GAS7: variants seen among roughly 807,000 people sequenced by gnomAD.
GAS7 encodes growth arrest specific 7, also known as growth arrest-specific protein 7.
GAS7 carries 28 observed loss-of-function variants against 71.1 expected under a neutral mutation model. That is an observed-to-expected ratio of 0.39 (90% CI 0.29 to 0.54). GAS7 has a LOEUF of 0.54. Among genes scored for constraint, GAS7 ranks in the 20% least tolerant of loss-of-function variants. The probability of loss-of-function intolerance (pLI) is 0.62; values close to 1 mark genes in which losing one functional copy is unlikely to be tolerated. For synonymous variants in GAS7, 258 were observed against 245.8 expected, an observed-to-expected ratio of 1.05 and a Z score of -0.46; for missense variants, 436 against 627.8, an observed-to-expected ratio of 0.69 and a Z score of 3.27.
chr17:9,942,414 T>C (rs2068635609), intron 7 of GAS7, among the ~76,000 whole-genome samples: 2 of 152,124 alleles, frequency 1.3e-5, no homozygotes, highest in African/African-American at 4.8e-5. Context: ...GCCTCAGAAC[T>C]TGGAGACAGA....
intron 2 of GAS7, among the ~76,000 whole-genome samples, chr17:9,998,346 A>G (rs1177404984): frequency 6.6e-6 from 1 of 152,276 alleles, no homozygotes; most frequent in Non-Finnish European, 1.5e-5. Flanking sequence ...TATGGGCGTG[A>G]CTACTTGGCT....
intron 1 of GAS7, among the ~76,000 whole-genome samples, chr17:10,068,835 G>A (rs1162705215): frequency 6.6e-6 from 1 of 151,976 alleles, no homozygotes; most frequent in Non-Finnish European, 1.5e-5. Flanking sequence ...ACAGAACCTG[G>A]GACAAGGTCC....
At chr17:9,965,250 G>A (rs892184387) in intron 4 of GAS7, among the ~76,000 whole-genome samples, 2 of 151,848 alleles carry the variant, frequency 1.3e-5, no homozygotes, top group African/African-American at 4.8e-5. Context: ...ATTTACAACA[G>A]CAAAGACTTG....
At position 9,915,821 on chromosome 17, in the gene GAS7, C is replaced by T. The variant is rs114339924; in HGVS notation, c.*1407G>A. On this transcript the variant is annotated 3_prime_UTR_variant, in exon 14 of 14. Transcript: ENST00000432992. Reference sequence around the variant, plus strand: ...TGCCCCTCGCTCATGCTTCTCCCGGCCCCTTTAGACTCTTTAGACTGACAT... The same window carrying T: ...TGCCCCTCGCTCATGCTTCTCCCGGTCCCTTTAGACTCTTTAGACTGACAT... 788 of 231,170 alleles carry T rather than the reference C, an allele frequency of 3.4e-3. 9 individuals are homozygous for T. Among genetic ancestry groups the T allele is most frequent in the African/African-American group, 0.015 (700 of 45,328 alleles). The allele number at this position is 231,170 out of a possible 1,614,324, so 14.3% of individuals were successfully genotyped here.
At chr17:9,978,436 G>C (rs1471183550) in intron 3 of GAS7, among the ~76,000 whole-genome samples, 1 of 150,468 alleles carries the variant, frequency 6.6e-6, no homozygotes, top group Admixed American at 6.7e-5. Context: ...GATCACTTGA[G>C]ACCAGGAGTT....
Position 10,026,196 on chromosome 17 carries a change from T to G in GAS7, c.184-6299A>C, listed in dbSNP as rs2072457777. 1 of 985,158 alleles carries G rather than the reference T, an allele frequency of 1.0e-6. No homozygotes were observed. Among genetic ancestry groups the G allele is most frequent in the Non-Finnish European group, 1.2e-6 (1 of 829,886 alleles). 61.0% of individuals were successfully genotyped at this position (985,158 alleles called of 1,614,324 possible). ...AACGCTACTCGCTGGTGTTAATGGGTGGTCGTCAGACACTCGCTTTAGCAG... is the reference window on the plus strand; with the variant it reads ...AACGCTACTCGCTGGTGTTAATGGGGGGTCGTCAGACACTCGCTTTAGCAG... On this transcript the variant is annotated intron_variant, in intron 1 of 13. Coordinates refer to ENST00000432992, the MANE Select transcript of GAS7 (RefSeq NM_201433.2). The surrounding 1 kb of genome is among the most constrained non-coding windows in gnomAD (Gnocchi z 4.5).
intron 1 of GAS7, among the ~76,000 whole-genome samples, chr17:10,063,861 T>C (rs917566306): frequency 4.6e-5 from 7 of 152,036 alleles, no homozygotes; most frequent in Non-Finnish European, 7.4e-5. Flanking sequence ...GCACGGGTGG[T>C]GAGGGGGGCA....
At chr17:10,082,367 T>C (rs1389359986) in intron 1 of GAS7, among the ~76,000 whole-genome samples, 1 of 152,220 alleles carries the variant, frequency 6.6e-6, no homozygotes. Context: ...CCAATGTTAA[T>C]ACTTGTCAAA....
intron 2 of GAS7, among the ~76,000 whole-genome samples, chr17:9,998,612 A>G (rs1357400979): frequency 6.6e-6 from 1 of 152,184 alleles, no homozygotes; most frequent in African/African-American, 2.4e-5. Context: ...TATTTTAAAA[A>G]GTGGAAAAGA....
Position 9,959,504 on chromosome 17 carries a change from C to T in GAS7, c.472-249G>A, listed in dbSNP as rs1484361686. ...CAGGCTCTGAGAGAACTGCTCCAAA[C>T]CAGGTCTCCCCTCCTCTTCTCTCAG... On this transcript the variant is annotated intron_variant, in intron 4 of 13. Transcript: ENST00000432992. This position sits in a 1 kb window ranked among gnomAD's most constrained non-coding sequence, Gnocchi z 5.0. The T allele has an allele frequency of 3.8e-6, 5 of 1,317,010 alleles. No individual in the cohort carries two copies. The African/African-American group carries it at 7.4e-5, about 20-fold the overall frequency. 81.6% of individuals were successfully genotyped at this position (1,317,010 alleles called of 1,614,324 possible).
intron 1 of GAS7, among the ~76,000 whole-genome samples, chr17:10,051,402 A>G (rs570175037): frequency 6.6e-6 from 1 of 152,316 alleles, no homozygotes; most frequent in African/African-American, 2.4e-5. Flanking sequence ...GTGAATGACG[A>G]GACTAGAATT....
intron 2 of GAS7, among the ~76,000 whole-genome samples, chr17:9,996,382 G>T (rs1260196096): frequency 1.0e-4 from 15 of 147,336 alleles, no homozygotes; most frequent in African/African-American, 3.8e-4. Context: ...GAGAACACAG[G>T]GACACAGGAA....
At chr17:9,922,899 T>TTTTG (rs1003595499) in intron 11 of GAS7, among the ~76,000 whole-genome samples, 19 of 152,190 alleles carry the variant, frequency 1.2e-4, no homozygotes, top group African/African-American at 2.9e-4. Flanking sequence ...CACTGTCTTT[T>TTTTG]TTTGTTTGTT....
chr17:9,925,749 T>C (rs2067979600), intron 10 of GAS7, 150 bp from the exon 11 acceptor site: 2 of 777,644 alleles, frequency 2.6e-6, no homozygotes, highest in Non-Finnish European at 4.1e-6. Flanking sequence ...GCAGCCAGAG[T>C]GGCACCACCC....
chr17:10,105,837 C>G (rs1199601618), intron 1 of GAS7, among the ~76,000 whole-genome samples: 1 of 152,188 alleles, frequency 6.6e-6, no homozygotes, highest in African/African-American at 2.4e-5. Context: ...GATCAGGGAC[C>G]TGGGTAGTCT....
At chr17:10,005,177 GTA>G (rs2071454442) in intron 2 of GAS7, among the ~76,000 whole-genome samples, 1 of 151,168 alleles carries the variant, frequency 6.6e-6, no homozygotes, top group Non-Finnish European at 1.5e-5. Context: ...ACGCATGCAT[GTA>G]TGTGTATGTG....
intron 1 of GAS7, 123 bp from the exon 2 acceptor site, chr17:10,020,020 T>C (rs2152206403): frequency 2.1e-6 from 2 of 941,490 alleles, no homozygotes; most frequent in Non-Finnish European, 3.3e-6. Context: ...CTGCGGCCCA[T>C]AAACCCCTGA....
intron 1 of GAS7, among the ~76,000 whole-genome samples, chr17:10,065,222 A>C (rs184955182): frequency 6.6e-6 from 1 of 152,374 alleles, no homozygotes; most frequent in Non-Finnish European, 1.5e-5. Flanking sequence ...AGCAGGGAGA[A>C]TTTAGAGATT....
chr17:9,976,035 G>A (rs2070188773), intron 3 of GAS7, among the ~76,000 whole-genome samples: 1 of 152,206 alleles, frequency 6.6e-6, no homozygotes, highest in South Asian at 2.1e-4. Flanking sequence ...TTCTCAGGAG[G>A]ATCCACTGTC....
Sources: allele counts gnomAD v4.1 joint callset (sites outside exome capture counted in the v4.1 genomes callset), GRCh38; gene constraint gnomAD v4.1.1; non-coding constraint Gnocchi (gnomAD v3.1); transcripts MANE v1.5; gene names NCBI Gene and HGNC (gene_info 2026-07-23, HGNC 2026-07-21).